Variants in AP3B1 observed in about 807,000 individuals in gnomAD.
AP3B1 encodes the protein AP-3 complex subunit beta-1.
AP3B1 carries 61 observed loss-of-function variants against 132.5 expected under a neutral mutation model. The observed-to-expected ratio is 0.46, with a 90% CI of 0.37 to 0.57. The LOEUF (loss-of-function observed/expected upper bound fraction) is 0.57. AP3B1 is among the 20% of genes least tolerant of loss of function. The pLI is 0.00. For missense variants in AP3B1, 1,120 were observed against 1,289.4 expected (o/e 0.87, Z 2.01); for synonymous variants, 388 against 438.3 (o/e 0.89, Z 1.43).
intron 6 of AP3B1, 105 bp from the exon 7 acceptor site, chr5:78,216,342 G>T: frequency 9.7e-7 from 1 of 1,029,930 alleles, no homozygotes; most frequent in Non-Finnish European, 1.5e-6. Flanking sequence ...CAGTATTAAA[G>T]TATTCAGTCA....
At chr5:78,142,085 C>A (rs1326020269) in intron 14 of AP3B1, among the ~76,000 whole-genome samples, 2 of 152,162 alleles carry the variant, frequency 1.3e-5, no homozygotes, top group East Asian at 3.8e-4. Flanking sequence ...CTTATAAAAT[C>A]ATGAATCCCA....
intron 1 of AP3B1, among the ~76,000 whole-genome samples, chr5:78,292,835 G>GT (rs570539309): frequency 7.7e-4 from 108 of 140,106 alleles, no homozygotes; most frequent in African/African-American, 1.2e-3. Flanking sequence ...AGTTTTTTTT[G>GT]TTTTTTTTTT....
chr5:78,250,444 T>C (rs1325666920), intron 2 of AP3B1, among the ~76,000 whole-genome samples: 1 of 152,236 alleles, frequency 6.6e-6, no homozygotes, highest in East Asian at 1.9e-4. Context: ...TTTGGTCTTC[T>C]AATACTTAAT....
intron 26 of AP3B1, among the ~76,000 whole-genome samples, chr5:78,012,912 A>T (rs1394084907): frequency 6.6e-6 from 1 of 152,222 alleles, no homozygotes; most frequent in Admixed American, 6.5e-5. Context: ...TACATTCCAA[A>T]CCAGCAAGAC....
At chr5:78,187,724 A>G (rs980525714) in intron 7 of AP3B1, among the ~76,000 whole-genome samples, 61 of 152,348 alleles carry the variant, frequency 4.0e-4, no homozygotes, top group African/African-American at 1.4e-3. Flanking sequence ...ACAGAACTAG[A>G]AAAAACTATT....
chr5:78,136,459 C>T (rs1752915046), intron 15 of AP3B1, among the ~76,000 whole-genome samples: 1 of 152,138 alleles, frequency 6.6e-6, no homozygotes, highest in African/African-American at 2.4e-5. Flanking sequence ...CCCAGCTAAA[C>T]AGAGATGTGT....
intron 15 of AP3B1, among the ~76,000 whole-genome samples, chr5:78,134,069 T>C (rs1366297770): frequency 7.0e-6 from 1 of 143,588 alleles, no homozygotes; most frequent in Non-Finnish European, 1.5e-5. Context: ...GAGAATGGCG[T>C]GAACCTGGGA....
At chr5:78,155,432 G>T (rs1421394534) in intron 14 of AP3B1, among the ~76,000 whole-genome samples, 1 of 152,116 alleles carries the variant, frequency 6.6e-6, no homozygotes, top group African/African-American at 2.4e-5. Flanking sequence ...GGTTATGATG[G>T]TGCTTTTTTG....
chr5:78,276,877 A>G (rs1045033864), intron 1 of AP3B1, among the ~76,000 whole-genome samples: 2 of 141,636 alleles, frequency 1.4e-5, no homozygotes, highest in Admixed American at 6.9e-5. Context: ...CCTAAAAAAA[A>G]AAAAAGAAGA....
At chr5:78,179,138 T>C (rs1439835299) in intron 8 of AP3B1, among the ~76,000 whole-genome samples, 1 of 152,208 alleles carries the variant, frequency 6.6e-6, no homozygotes, top group Non-Finnish European at 1.5e-5. Context: ...CAATTAATGA[T>C]TGACCTAATC....
At chr5:78,041,301 A>C (rs1261011143) in intron 22 of AP3B1, among the ~76,000 whole-genome samples, 1 of 151,808 alleles carries the variant, frequency 6.6e-6, no homozygotes, top group African/African-American at 2.4e-5. Context: ...CATCACCTCT[A>C]ATCTCAGCAC....
At chr5:78,149,619 C>T (rs1377775508) in intron 14 of AP3B1, among the ~76,000 whole-genome samples, 1 of 152,106 alleles carries the variant, frequency 6.6e-6, no homozygotes, top group African/African-American at 2.4e-5. Flanking sequence ...TCATTCATTC[C>T]ACCCAACAGA....
intron 17 of AP3B1, among the ~76,000 whole-genome samples, chr5:78,123,649 T>C (rs947960268): frequency 6.6e-6 from 1 of 152,086 alleles, no homozygotes; most frequent in Non-Finnish European, 1.5e-5. Context: ...CACAATGAGA[T>C]ACCATCTCAC....
chr5:78,155,011 A>T (rs903488070), intron 14 of AP3B1, among the ~76,000 whole-genome samples: 1 of 152,106 alleles, frequency 6.6e-6, no homozygotes, highest in Non-Finnish European at 1.5e-5. Context: ...CTTGATGCTT[A>T]CAGATGTTCA....
chr5:78,029,062 A>G (rs922005564), intron 24 of AP3B1, among the ~76,000 whole-genome samples: 3 of 152,212 alleles, frequency 2.0e-5, no homozygotes, highest in Non-Finnish European at 4.4e-5. Flanking sequence ...GAAACAAGGA[A>G]TTCTATGTAA....
chr5:78,259,878 G>C (rs1013649466), intron 2 of AP3B1, among the ~76,000 whole-genome samples: 1 of 152,104 alleles, frequency 6.6e-6, no homozygotes, highest in Non-Finnish European at 1.5e-5. Context: ...GCTGAGGCAG[G>C]AGGATCACTT....
chr5:78,271,475 A>G (rs953573029), intron 1 of AP3B1, among the ~76,000 whole-genome samples: 2 of 152,222 alleles, frequency 1.3e-5, no homozygotes, highest in African/African-American at 2.4e-5. Context: ...AATTATCCAA[A>G]TAAATATGAA....
At chr5:78,147,017 CT>C (rs1486489361) in intron 14 of AP3B1, among the ~76,000 whole-genome samples, 1 of 151,850 alleles carries the variant, frequency 6.6e-6, no homozygotes, top group Non-Finnish European at 1.5e-5. Context: ...AAGGTTTTAG[CT>C]ATATTTACTA....
Position 78,089,417 on chromosome 5 carries a change from C to T in AP3B1, c.2553G>A (p.Leu851=). Residue 851 remains leucine (L), a synonymous_variant, in exon 22 of 27, where the codon TTG becomes TTA. Transcript: ENST00000255194. Reference sequence around the variant, plus strand: ...CACTGATGACTGAAGAGGAAGTTGACAAGTGTAAACCTTCAAGATCAGCCA... The same window carrying T: ...CACTGATGACTGAAGAGGAAGTTGATAAGTGTAAACCTTCAAGATCAGCCA... The part of the protein sequence containing the change: ...SLMADLEGLH[L]STSSSVISVS... The T allele has an allele frequency of 2.5e-6, 4 of 1,612,414 alleles. No homozygotes were observed. The highest frequency in any genetic ancestry group is 3.4e-6 in the Non-Finnish European group (4 of 1,178,662).
Sources: gnomAD v4.1 joint callset for allele counts (sites outside exome capture counted in the v4.1 genomes callset) on GRCh38, gnomAD v4.1.1 for gene constraint, MANE v1.5 for transcripts, NCBI Gene and HGNC (gene_info 2026-07-23, HGNC 2026-07-21) for gene names.